The following PREX1 variants were observed in gnomAD, a reference collection of about 807,000 sequenced individuals.
PREX1 encodes phosphatidylinositol-3,4,5-trisphosphate dependent Rac exchange factor 1.
Under a neutral mutation model 198.3 loss-of-function variants are expected in PREX1, and 41 were observed. The ratio of observed to expected loss-of-function variants is 0.21; its 90% confidence interval spans 0.16 to 0.27. The LOEUF (loss-of-function observed/expected upper bound fraction) is 0.27. Among genes scored for constraint, PREX1 ranks in the 10% least tolerant of loss-of-function variants. The probability of loss-of-function intolerance (pLI) is 1.00; values close to 1 mark genes in which losing one functional copy is unlikely to be tolerated. For missense variants in PREX1, 1,620 were observed against 2,200.7 expected (o/e 0.74, Z 5.28); for synonymous variants, 843 against 887.2 (o/e 0.95, Z 0.89).
chr20:48,710,886 G>C (rs1310421597), intron 5 of PREX1, among the ~76,000 whole-genome samples: 2 of 152,256 alleles, frequency 1.3e-5, no homozygotes, highest in Non-Finnish European at 2.9e-5. Flanking sequence ...AGCTGCAGCA[G>C]AGCAAGTGAG....
At chr20:48,689,330 A>C (rs2089804253) in intron 9 of PREX1, among the ~76,000 whole-genome samples, 1 of 152,148 alleles carries the variant, frequency 6.6e-6, no homozygotes, top group Admixed American at 6.5e-5. Flanking sequence ...CACCTACTAC[A>C]TGCCAGTACG....
rs548047268 is a variant in PREX1, at chr20:48,788,928, C to T, written c.219+38714G>A. ...TGCCACGTGATTCCCTAAACTGCCT[C>T]GAGTCTCTTTAGAACCCCCAAGAAC... On this transcript the variant is annotated intron_variant, in intron 1 of 39. Coordinates refer to ENST00000371941, the MANE Select transcript of PREX1 (RefSeq NM_020820.4). Among the ~76,000 whole-genome samples the T allele has an allele frequency of 1.4e-3, 208 of 152,278 alleles. 1 individual carries two copies. The highest frequency in any genetic ancestry group is 4.9e-3 in the African/African-American group (202 of 41,546).
rs1218201480 is a variant in PREX1 at position 48,624,921 on chromosome 20, G to C, written c.*964C>G. ...CTCAAAGAGAGCGAGTTCTAACACC[G>C]GCCAACCGCTGGAGAATGGAGGGTG... On this transcript the variant is annotated 3_prime_UTR_variant, in exon 40 of 40. Coordinates refer to ENST00000371941, the MANE Select transcript of PREX1 (RefSeq NM_020820.4). 1.3e-5 allele frequency: 2 copies of C among 152,324 alleles called. No homozygotes were observed. Among genetic ancestry groups the C allele is most frequent in the Non-Finnish European group, 2.9e-5 (2 of 68,036 alleles). The allele number at this position is 152,324 out of a possible 1,614,324, so 9.4% of individuals were successfully genotyped here. A position where few individuals can be genotyped will look rare whatever the true frequency, so the allele number is the denominator to read the frequency against.
At chr20:48,702,025 C>G (rs542981112) in intron 6 of PREX1, among the ~76,000 whole-genome samples, 39 of 152,114 alleles carry the variant, frequency 2.6e-4, no homozygotes, top group Non-Finnish European at 2.8e-4. Flanking sequence ...AGCCTGGCAA[C>G]ATGGTGAAAC....
the PREX1 span, among the ~76,000 whole-genome samples, chr20:48,862,904 C>T: frequency 6.6e-6 from 1 of 151,070 alleles, no homozygotes; most frequent in Admixed American, 6.6e-5. Context: ...TCACTGCAGC[C>T]TCAAACTTCT....
chr20:48,674,889 T>C (rs1174000768), intron 14 of PREX1, among the ~76,000 whole-genome samples: 1 of 152,196 alleles, frequency 6.6e-6, no homozygotes, highest in Admixed American at 6.5e-5. Flanking sequence ...TTTTTGAAAG[T>C]AGTAACTTGG....
upstream of PREX1, among the ~76,000 whole-genome samples, chr20:48,828,648 TCAC>T (rs2090524852): frequency 6.6e-6 from 1 of 152,236 alleles, no homozygotes; most frequent in Non-Finnish European, 1.5e-5. Flanking sequence ...GCGCTCGCTC[TCAC>T]TTTTCTCTTT....
At chr20:48,708,712 G>A (rs1264742094) in intron 5 of PREX1, among the ~76,000 whole-genome samples, 2 of 152,156 alleles carry the variant, frequency 1.3e-5, no homozygotes, top group African/African-American at 4.8e-5. Flanking sequence ...GCCCTGGACA[G>A]AGCAAGAGAG....
Position 48,632,543 on chromosome 20 carries a change from A to G in PREX1, c.4364T>C (p.Leu1455Pro). 1 of 1,613,788 alleles carries G rather than the reference A, an allele frequency of 6.2e-7. No homozygotes were observed. Residue 1455 changes from leucine to proline, a missense_variant, in exon 34 of 40, where the codon CTG becomes CCG. Leu to Pro is a moderately conservative substitution (Grantham distance 98). Around this residue, in one of 7 missense-constraint regions of PREX1, gnomAD observed 476 missense variants for 603.4 expected, o/e 0.79. Coordinates refer to ENST00000371941, the MANE Select transcript of PREX1 (RefSeq NM_020820.4). ...CAGCCTCAGGCTGGCCCCACCCTCC[A>G]GGCGGGAGGGCAGCTTGGAGAAGTG... is the stretch of plus-strand genomic sequence containing the variant. The part of the protein sequence containing the change: ...SYHFSKLPSR[L>P]EGGASLRLHT...
At chr20:48,876,554 C>T in the PREX1 span, among the ~76,000 whole-genome samples, 1 of 151,902 alleles carries the variant, frequency 6.6e-6, no homozygotes, top group African/African-American at 2.4e-5. Context: ...TGTGATCTCG[C>T]CTGGGAGGCA....
intron 1 of PREX1, among the ~76,000 whole-genome samples, chr20:48,770,967 G>A (rs1179002024): frequency 4.6e-5 from 7 of 152,164 alleles, no homozygotes; most frequent in East Asian, 3.9e-4. Context: ...AGGCACCTGC[G>A]ATGGGGCACC....
intron 1 of PREX1, among the ~76,000 whole-genome samples, chr20:48,814,456 A>AG (rs376259373): frequency 5.8e-4 from 89 of 152,312 alleles, no homozygotes; most frequent in Middle Eastern, 6.8e-3. Flanking sequence ...TGAAAGAGAA[A>AG]GGGGGGTCCT....
intron 1 of PREX1, among the ~76,000 whole-genome samples, chr20:48,791,973 C>T (rs1488086433): frequency 6.6e-6 from 1 of 152,218 alleles, no homozygotes; most frequent in African/African-American, 2.4e-5. Flanking sequence ...TGGCTGCTTG[C>T]TTGACATGGG....
At chr20:48,849,153 T>C in the PREX1 span, among the ~76,000 whole-genome samples, 4 of 151,640 alleles carry the variant, frequency 2.6e-5, no homozygotes, top group East Asian at 1.9e-4. Flanking sequence ...CGGAGAAGCA[T>C]GTAGAAGAAA....
Position 48,666,900 on chromosome 20 carries a change from T to C in PREX1, c.1666-545A>G, listed in dbSNP as rs1022120391. 2.0e-5 allele frequency among the ~76,000 whole-genome samples: 3 copies of C among 151,982 alleles called. No homozygotes were observed. The highest frequency in any genetic ancestry group is 7.3e-5 in the African/African-American group (3 of 41,374). On this transcript the variant is annotated intron_variant, in intron 14 of 39. Transcript: ENST00000371941. The surrounding 1 kb of genome is among the most constrained non-coding windows in gnomAD (Gnocchi z 4.3). The stretch of plus-strand genomic sequence containing the variant: ...TGTGATCAATACCGCAAAGAAAAAA[T>C]GGAGATTTTAAGCGGCAGACAATGT...
chr20:48,767,209 G>A (rs752827458), intron 1 of PREX1, among the ~76,000 whole-genome samples: 10 of 152,156 alleles, frequency 6.6e-5, no homozygotes, highest in East Asian at 3.9e-4. Context: ...TAACCACCTC[G>A]ACTCCCTGCC....
At position 48,632,508 on chromosome 20, in the gene PREX1, G is replaced by T; in HGVS notation, c.4399C>A (p.Leu1467Met). The change falls in exon 34 of 40, where the codon CTG becomes ATG. Residue 1467 changes from leucine (L) to methionine (M), a missense_variant. This residue lies in a region of PREX1 where 476 missense variants were observed against 603.4 expected (regional missense o/e 0.79). Transcript: ENST00000371941. ...GGASLRLHTA[L>M]FTKVLENVEG... ...GCCTGAAGCTCACCTTTCGTGAACA[G>T]CGCTGTGTGCAGCCTCAGGCTGGCC... The T allele has an allele frequency of 6.2e-7, 1 of 1,614,106 alleles. No individual in the cohort carries two copies. Among genetic ancestry groups the T allele is most frequent in the Non-Finnish European group, 8.5e-7 (1 of 1,180,020 alleles).
chr20:48,632,219 C>A, intron 35 of PREX1, 58 bp downstream of exon 35: 1 of 1,531,732 alleles, frequency 6.5e-7, no homozygotes, highest in East Asian at 2.2e-5. Context: ...CATGCTAATG[C>A]CCACTCCACG....
At chr20:48,854,479 T>G in the PREX1 span, among the ~76,000 whole-genome samples, 28 of 152,134 alleles carry the variant, frequency 1.8e-4, no homozygotes, top group Non-Finnish European at 3.2e-4. Flanking sequence ...GAGGATCACT[T>G]GAGCCCAGGA....
Sources: gnomAD v4.1 joint callset for allele counts (sites outside exome capture counted in the v4.1 genomes callset) on GRCh38, gnomAD v4.1.1 for gene constraint, gnomAD v4.1.1 regional missense constraint, Gnocchi (gnomAD v3.1) non-coding constraint, MANE v1.5 for transcripts, NCBI Gene and HGNC (gene_info 2026-07-23, HGNC 2026-07-21) for gene names.